IQSEC2: variants seen among roughly 807,000 people sequenced by gnomAD.
IQSEC2 encodes IQ motif and Sec7 domain ArfGEF 2.
IQSEC2 carries 6 observed loss-of-function variants against 74.6 expected under a neutral mutation model. The observed-to-expected ratio is 0.08, with a 90% CI of 0.04 to 0.16. IQSEC2 has a LOEUF of 0.16. IQSEC2 is among the 10% of genes least tolerant of loss of function. The pLI is 1.00. For synonymous variants in IQSEC2, 494 were observed against 544.5 expected (o/e 0.91, Z 1.29); for missense variants, 734 against 1,306.2 (o/e 0.56, Z 6.75).
chrX:53,318,325 G>C (rs782290746), intron 1 of IQSEC2, among the ~76,000 whole-genome samples: 6 of 112,362 alleles, frequency 5.3e-5, no homozygotes, highest in Non-Finnish European at 9.4e-5. Context: ...TATTAATCCA[G>C]TAGGAAATGC....
intron 2 of IQSEC2, among the ~76,000 whole-genome samples, chrX:53,270,788 G>A (rs1004860259): frequency 3.6e-5 from 4 of 110,725 alleles, no homozygotes; most frequent in African/African-American, 1.3e-4. Flanking sequence ...AACTTACTGC[G>A]AACTCCAGCC....
rs782204504 is a variant in IQSEC2, at chrX:53,306,765, G to C, written c.707+13652C>G. On this transcript the variant is annotated intron_variant, in intron 1 of 14. Transcript: ENST00000642864. ...GAGAGGGTGAGATCAGTGGGTGAGA[G>C]ATTTCAACAAATTTCTGGAAGCAAA... Among the ~76,000 whole-genome samples the C allele has an allele frequency of 1.5e-4, 17 of 111,051 alleles. No individual in the cohort carries two copies. In the South Asian group the frequency reaches 6.5e-3, roughly 43 times the overall value.
At chrX:53,264,847 C>G (rs2074629238) in intron 2 of IQSEC2, among the ~76,000 whole-genome samples, 1 of 109,122 alleles carries the variant, frequency 9.2e-6, no homozygotes, top group African/African-American at 3.3e-5. Context: ...ATCCTTCCTA[C>G]TTTCCCAAAG....
chrX:53,256,028 G>T lies in IQSEC2; in HGVS notation c.771C>A (p.Ser257Arg), dbSNP rs1556865175. 8.5e-7 allele frequency: 1 copy of T among 1,181,027 alleles called. No homozygotes were observed. Among genetic ancestry groups the T allele is most frequent in the Admixed American group, 2.3e-5 (1 of 42,812 alleles). The change falls in exon 3 of 15, where the codon AGC (serine) becomes AGA (arginine). Residue 257 changes from serine (S) to arginine (R), a missense_variant. Physicochemically the swap from Ser to Arg is moderately radical, Grantham distance 110. Around this residue, in one of 12 missense-constraint regions of IQSEC2, gnomAD observed 54 missense variants for 62.1 expected, o/e 0.87. Coordinates refer to ENST00000642864, the MANE Select transcript of IQSEC2 (RefSeq NM_001111125.3). ...VEGDAPGSDL[S>R]TAVDSPGSQP... ...GGCTCCCAGGACTATCAACCGCTGT[G>T]CTCAGGTCACTGCCTGGGGCATCAC...
At chrX:53,267,466 G>A (rs1315977814) in intron 2 of IQSEC2, among the ~76,000 whole-genome samples, 2 of 112,190 alleles carry the variant, frequency 1.8e-5, no homozygotes, top group Non-Finnish European at 3.8e-5. Context: ...ACTCAGAAAG[G>A]TTAGATAACT....
At chrX:53,285,428 C>T (rs1018320831) in intron 2 of IQSEC2, among the ~76,000 whole-genome samples, 2 of 112,437 alleles carry the variant, frequency 1.8e-5, no homozygotes, top group Admixed American at 1.9e-4. Context: ...TGTGGATGGA[C>T]AATTTGGGGC....
chrX:53,282,895 AG>A (rs782206076), intron 2 of IQSEC2, among the ~76,000 whole-genome samples: 1 of 110,785 alleles, frequency 9.0e-6, no homozygotes, highest in Non-Finnish European at 1.9e-5. Context: ...AGGAGCCGAG[AG>A]ACATTAAGTG....
rs1488295029 is a variant in IQSEC2 at position 53,264,626 on chromosome X, G to A, written c.738-8565C>T. Among the ~76,000 whole-genome samples, 7 of 108,759 alleles carry A rather than the reference G, an allele frequency of 6.4e-5. No individual in the cohort carries two copies. The East Asian group carries it at 1.5e-3, about 23-fold the overall frequency. The allele number at this position is 108,759 out of a possible 115,157, so 94.4% of individuals were successfully genotyped here. On this transcript the variant is annotated intron_variant, in intron 2 of 14. Transcript: ENST00000642864. ...CGCTCCCCCAGGTTTTTGTCTATGC[G>A]GTCCCTGTCTCCTATAATGCCTTCT... is the stretch of plus-strand genomic sequence containing the variant.
chrX:53,261,668 A>T (rs782321176), intron 2 of IQSEC2, among the ~76,000 whole-genome samples: 18 of 109,527 alleles, frequency 1.6e-4, no homozygotes, highest in African/African-American at 5.4e-4. Context: ...ACACACACAC[A>T]CTCACACACA....
At chrX:53,255,760 C>T (rs980195936) in intron 3 of IQSEC2, 40 bp downstream of exon 3, 1 of 1,206,326 alleles carries the variant, frequency 8.3e-7, no homozygotes, top group East Asian at 3.0e-5. Context: ...CGCTCTCTTG[C>T]ATCCCGACTC....
At position 53,239,399 on chromosome X, in the gene IQSEC2, A is replaced by G. The variant is rs369997559; in HGVS notation, c.3016-105T>C. On this transcript the variant is annotated intron_variant, in intron 10 of 14. Coordinates refer to ENST00000642864, the MANE Select transcript of IQSEC2 (RefSeq NM_001111125.3). ...CCCTCCCCTCCCACCCCATTAACAG[A>G]CACACACACACAAACACACATGCCC... 540 of 458,791 alleles carry G rather than the reference A, an allele frequency of 1.2e-3. 3 individuals carry two copies. The African/African-American group carries it at 0.012, about 10-fold the overall frequency. 37.8% of individuals were successfully genotyped at this position (458,791 alleles called of 1,213,427 possible). A position where few individuals can be genotyped will look rare whatever the true frequency, so the allele number is the denominator to read the frequency against.
At chrX:53,277,710 A>G (rs868927577) in intron 2 of IQSEC2, among the ~76,000 whole-genome samples, 4 of 109,700 alleles carry the variant, frequency 3.6e-5, no homozygotes, top group Non-Finnish European at 1.9e-5. Flanking sequence ...TTGCTCTGTT[A>G]CCCAGGCTGG....
Position 53,240,430 on chromosome X carries a change from A to G in IQSEC2, c.3016-1136T>C, listed in dbSNP as rs182672639. 2.7e-5 allele frequency among the ~76,000 whole-genome samples: 3 copies of G among 112,628 alleles called. No individual in the cohort carries two copies. In the East Asian group the frequency reaches 8.4e-4, roughly 31 times the overall value. On this transcript the variant is annotated intron_variant, in intron 10 of 14. Transcript: ENST00000642864. Reference sequence around the variant, plus strand: ...ACTGAGAAACCCTGCTCTAAAGGAGAGAAGACCACAGGGAGAACAGGATCA... The same window carrying G: ...ACTGAGAAACCCTGCTCTAAAGGAGGGAAGACCACAGGGAGAACAGGATCA...
Position 53,320,883 on chromosome X carries a change from C to T in IQSEC2, c.241G>A (p.Asp81Asn). The change falls in exon 1 of 15, where the codon GAT (aspartate) becomes AAT (asparagine). Residue 81 changes from aspartate (D) to asparagine (N), a missense_variant. Transcript: ENST00000642864. ...TACTGGCTCTCGCGGCCCGGGCTAT[C>T]CCGCGCGCCGTGGGGGTCCCGGTGC... Reference protein sequence around the residue: ...ELHRDPHGARDSPGRESQYQN... With the variant: ...ELHRDPHGARNSPGRESQYQN... The T allele has an allele frequency of 8.6e-7, 1 of 1,165,362 alleles. No individual in the cohort carries two copies. Among genetic ancestry groups the T allele is most frequent in the Non-Finnish European group, 1.1e-6 (1 of 872,351 alleles).
At chrX:53,237,230 T>A (rs2074146077) in intron 12 of IQSEC2, among the ~76,000 whole-genome samples, 1 of 111,406 alleles carries the variant, frequency 9.0e-6, no homozygotes, top group African/African-American at 3.3e-5. Flanking sequence ...AGAGCTTGGG[T>A]GCTTCCGGCC....
In IQSEC2 at chrX:53,234,268, G is replaced by C; in HGVS notation, c.4418C>G (p.Pro1473Arg). ...ASGPPGTANP[P>R]SANPKAKPSR... ...TGGCTTGGCCTTGGGGTTTGCACTG[G>C]GGGGGTTGGCTGTGCCAGGGGGCCC... Residue 1473 changes from proline to arginine, a missense_variant, in exon 15 of 15, where the codon CCC becomes CGC. Physicochemically the swap from Pro to Arg is moderately radical, Grantham distance 103 (BLOSUM62 -2). Around this residue, in one of 12 missense-constraint regions of IQSEC2, gnomAD observed 38 missense variants for 36.7 expected, o/e 1.04. Transcript: ENST00000642864. 1 of 1,080,469 alleles carries C rather than the reference G, an allele frequency of 9.3e-7. No individual in the cohort carries two copies. The highest frequency in any genetic ancestry group is 1.2e-6 in the Non-Finnish European group (1 of 826,428). The allele number at this position is 1,080,469 out of a possible 1,213,427, so 89.0% of individuals were successfully genotyped here. A position where few individuals can be genotyped will look rare whatever the true frequency, so the allele number is the denominator to read the frequency against.
intron 9 of IQSEC2, among the ~76,000 whole-genome samples, chrX:53,242,589 C>T (rs2074241185): frequency 9.0e-6 from 1 of 111,490 alleles, no homozygotes. Flanking sequence ...CTTTGTTTCA[C>T]ACCCCGACTG....
chrX:53,273,439 T>A (rs1454332039), intron 2 of IQSEC2, among the ~76,000 whole-genome samples: 2 of 111,568 alleles, frequency 1.8e-5, no homozygotes, highest in African/African-American at 6.5e-5. Flanking sequence ...AGGCCTAATC[T>A]AAAGCAGGCA....
At position 53,248,108 on chromosome X, in the gene IQSEC2, G is replaced by A; in HGVS notation, c.2582+6C>T. ...GGGCAGCTTCGCGAGTGGGAGGTAG[G>A]CACACCTGAAGGCTTCGATGAGTCG... On this transcript the variant is annotated splice_donor_region_variant and intron_variant, in intron 7 of 14. Coordinates refer to ENST00000642864, the MANE Select transcript of IQSEC2 (RefSeq NM_001111125.3). 8.3e-7 allele frequency: 1 copy of A among 1,211,088 alleles called. No individual in the cohort carries two copies. Among genetic ancestry groups the A allele is most frequent in the East Asian group, 3.0e-5 (1 of 33,829 alleles).
Sources: gnomAD v4.1 joint callset for allele counts (sites outside exome capture counted in the v4.1 genomes callset) on GRCh38, gnomAD v4.1.1 for gene constraint, gnomAD v4.1.1 regional missense constraint, MANE v1.5 for transcripts, NCBI Gene and HGNC (gene_info 2026-07-23, HGNC 2026-07-21) for gene names.